The following CNBD1 variants were observed in gnomAD, a reference collection of about 807,000 sequenced individuals.
CNBD1 encodes cyclic nucleotide binding domain containing 1, also known as cyclic nucleotide-binding domain-containing protein 1.
A neutral mutation model predicts 54.4 loss-of-function variants in CNBD1; 71 were observed. The ratio of observed to expected loss-of-function variants is 1.30; its 90% CI spans 1.08 to 1.59. The LOEUF is 1.59. Ranked by LOEUF, CNBD1 falls within the 40% of genes most tolerant of loss-of-function variation. The probability of loss-of-function intolerance (pLI) is 0.00; values close to 1 mark genes in which losing one functional copy is unlikely to be tolerated. For synonymous variants in CNBD1, 182 were observed against 170.7 expected (o/e 1.07, Z -0.51); for missense variants, 659 against 518.0 (o/e 1.27, Z -2.64).
intron 3 of CNBD1, among the ~76,000 whole-genome samples, chr8:86,927,515 G>A (rs576406486): frequency 2.3e-4 from 35 of 152,238 alleles, no homozygotes; most frequent in African/African-American, 8.2e-4. Flanking sequence ...GTTGTAGGGT[G>A]TAATTACATT....
chr8:87,105,247 T>C lies in CNBD1; in HGVS notation c.432-100746T>C, dbSNP rs181622986. Among the ~76,000 whole-genome samples, 213 of 152,356 alleles carry C rather than the reference T, an allele frequency of 1.4e-3. 9 individuals carry two copies. The highest frequency in any genetic ancestry group is 0.013 in the Admixed American group (201 of 15,304). On this transcript the variant is annotated intron_variant, in intron 4 of 10. Coordinates refer to ENST00000518476, the MANE Select transcript of CNBD1 (RefSeq NM_173538.3). The stretch of plus-strand genomic sequence containing the variant: ...ATGATGAAAGTAATTAATACACTTC[T>C]TTTTAAAACCACATGTAATTTTTGA...
intron 2 of CNBD1, among the ~76,000 whole-genome samples, chr8:86,901,995 T>C: frequency 6.6e-6 from 1 of 152,314 alleles, no homozygotes; most frequent in East Asian, 1.9e-4. Flanking sequence ...ACAATTGGAA[T>C]GTGTTCACTC....
chr8:87,124,809 A>G (rs1358921480), intron 4 of CNBD1, among the ~76,000 whole-genome samples: 1 of 151,818 alleles, frequency 6.6e-6, no homozygotes, highest in African/African-American at 2.4e-5. Context: ...CAGAGCAATT[A>G]GGCAAGAGAA....
At chr8:87,337,881 T>G (rs6468774) in intron 8 of CNBD1, among the ~76,000 whole-genome samples, 149,296 of 152,296 alleles carry the variant, frequency 0.98, 73,195 homozygotes, top group East Asian at 1. Flanking sequence ...TCCAATGGGA[T>G]TCTTTGATTG....
chr8:87,198,316 C>T (rs983314685), intron 4 of CNBD1, among the ~76,000 whole-genome samples: 2 of 152,156 alleles, frequency 1.3e-5, no homozygotes, highest in Non-Finnish European at 2.9e-5. Context: ...ACTTATCTAC[C>T]AGCTCCATGG....
intron 4 of CNBD1, among the ~76,000 whole-genome samples, chr8:87,136,179 G>A (rs1455784834): frequency 1.3e-5 from 2 of 151,936 alleles, no homozygotes; most frequent in Admixed American, 6.6e-5. Flanking sequence ...GTATTCATAA[G>A]GGAATACTTG....
chr8:87,127,737 A>G (rs1207436001), intron 4 of CNBD1, among the ~76,000 whole-genome samples: 1 of 152,160 alleles, frequency 6.6e-6, no homozygotes, highest in Non-Finnish European at 1.5e-5. Flanking sequence ...ATATTAATGG[A>G]AAAGCATACA....
intron 4 of CNBD1, among the ~76,000 whole-genome samples, chr8:87,160,750 A>G (rs1329815931): frequency 6.6e-6 from 1 of 152,084 alleles, no homozygotes; most frequent in Non-Finnish European, 1.5e-5. Context: ...GAAGTACATG[A>G]AACTTCATTT....
At chr8:87,344,622 C>A (rs142874639) in intron 8 of CNBD1, among the ~76,000 whole-genome samples, 1,768 of 151,894 alleles carry the variant, frequency 0.012, 11 homozygotes, top group Middle Eastern at 0.024. Flanking sequence ...CCTGTGTAGA[C>A]TACTTTAATG....
chr8:86,996,682 C>T (rs1808877964), intron 4 of CNBD1, among the ~76,000 whole-genome samples: 1 of 152,166 alleles, frequency 6.6e-6, no homozygotes, highest in Admixed American at 6.6e-5. Flanking sequence ...AGCAGAATAG[C>T]AAGTGTCACA....
At chr8:87,023,118 G>T (rs976000633) in intron 4 of CNBD1, among the ~76,000 whole-genome samples, 1 of 152,148 alleles carries the variant, frequency 6.6e-6, no homozygotes, top group African/African-American at 2.4e-5. Context: ...AAAGTTACTG[G>T]TCTTTCCTCA....
At chr8:87,424,907 G>T (rs1411142071) in intron 2 of CNBD1, among the ~76,000 whole-genome samples, 1 of 152,080 alleles carries the variant, frequency 6.6e-6, no homozygotes, top group Non-Finnish European at 1.5e-5. Flanking sequence ...ATAATATCCT[G>T]CAGAGTGTTT....
intron 2 of CNBD1, among the ~76,000 whole-genome samples, chr8:87,403,666 T>A (rs530421582): frequency 5.9e-5 from 9 of 151,990 alleles, no homozygotes; most frequent in Non-Finnish European, 1.0e-4. Flanking sequence ...GTAGCTTTTT[T>A]AAAAAAATTA....
chr8:87,067,594 A>G (rs1810680421), intron 4 of CNBD1, among the ~76,000 whole-genome samples: 1 of 152,010 alleles, frequency 6.6e-6, no homozygotes, highest in African/African-American at 2.4e-5. Flanking sequence ...TATCTTGGTC[A>G]TAAATATTTC....
At chr8:86,993,444 C>A (rs929819345) in intron 4 of CNBD1, among the ~76,000 whole-genome samples, 12 of 152,082 alleles carry the variant, frequency 7.9e-5, no homozygotes, top group Admixed American at 7.9e-4. Context: ...ATTCTGAATT[C>A]TATTTTTGTC....
At chr8:87,194,043 C>T (rs375893321) in intron 4 of CNBD1, among the ~76,000 whole-genome samples, 5 of 152,192 alleles carry the variant, frequency 3.3e-5, no homozygotes, top group East Asian at 3.9e-4. Context: ...CCTGTCAAGT[C>T]GGCAAATTAG....
chr8:86,976,845 A>G (rs897418286), intron 4 of CNBD1, among the ~76,000 whole-genome samples: 2 of 152,180 alleles, frequency 1.3e-5, no homozygotes, highest in East Asian at 3.9e-4. Flanking sequence ...TTTAGAAAGT[A>G]GAAATGATAC....
intron 10 of CNBD1, among the ~76,000 whole-genome samples, chr8:87,359,458 A>G (rs1367200969): frequency 6.6e-6 from 1 of 152,168 alleles, no homozygotes; most frequent in Non-Finnish European, 1.5e-5. Flanking sequence ...TGTTTATTTC[A>G]GAAAGCATTT....
intron 4 of CNBD1, among the ~76,000 whole-genome samples, chr8:86,945,606 C>A (rs1227825409): frequency 6.6e-6 from 1 of 152,024 alleles, no homozygotes; most frequent in Non-Finnish European, 1.5e-5. Flanking sequence ...TGGAGGAAAA[C>A]CGCACTTCAA....
Sources: gnomAD v4.1 joint callset for allele counts (sites outside exome capture counted in the v4.1 genomes callset) on GRCh38, gnomAD v4.1.1 for gene constraint, MANE v1.5 for transcripts, NCBI Gene and HGNC (gene_info 2026-07-23, HGNC 2026-07-21) for gene names.